CASP6: variants seen among roughly 807,000 people sequenced by gnomAD.
The protein encoded by CASP6 is caspase 6.
CASP6 carries 20 observed loss-of-function variants against 31.8 expected under a neutral mutation model. The observed-to-expected ratio is 0.63, with a 90% CI of 0.44 to 0.91. CASP6 has a LOEUF of 0.91. CASP6 is among the 40% of genes least tolerant of loss of function. The pLI is 0.00. For synonymous variants in CASP6, 130 were observed against 127.8 expected, an observed-to-expected ratio of 1.02 and a Z score of -0.12; for missense variants, 328 against 361.1, an observed-to-expected ratio of 0.91 and a Z score of 0.74.
the CASP6 span, among the ~76,000 whole-genome samples, chr4:109,675,657 C>G: frequency 3.9e-5 from 6 of 152,160 alleles, no homozygotes; most frequent in Admixed American, 1.3e-4. Context: ...AAACTTGATC[C>G]CCAGTGTTGT....
At chr4:109,682,883 C>T in the CASP6 span, 1 of 595,002 alleles carries the variant, frequency 1.7e-6, no homozygotes, top group Non-Finnish European at 2.9e-6. Context: ...AAGTTCAGTG[C>T]TTTTATCTTC....
chr4:109,691,679 A>G (rs1292903517), intron 5 of CASP6, among the ~76,000 whole-genome samples: 1 of 152,218 alleles, frequency 6.6e-6, no homozygotes, highest in Non-Finnish European at 1.5e-5. Flanking sequence ...CCAAAAATTC[A>G]TATGTTGAAG....
At chr4:109,679,329 T>C in the CASP6 span, among the ~76,000 whole-genome samples, 1 of 152,106 alleles carries the variant, frequency 6.6e-6, no homozygotes, top group African/African-American at 2.4e-5. Context: ...TGAGCCGAGA[T>C]CACGCCACTG....
Position 109,690,860 on chromosome 4 carries a change from A to G in CASP6, c.633T>C (p.Ser211=), listed in dbSNP as rs778655480. The change falls in exon 6 of 7, where the codon TCT becomes TCC. Residue 211 remains serine, a synonymous_variant. Transcript: ENST00000265164. ...PAGADFLMCY[S]VAEGYYSHRE... ...TTAAACACCACACACCTTCTGCAAC[A>G]GAGTAACACATGAGGAAGTCAGCTC... 1 of 1,608,338 alleles carries G rather than the reference A, an allele frequency of 6.2e-7. No homozygotes were observed. Among genetic ancestry groups the G allele is most frequent in the Non-Finnish European group, 8.5e-7 (1 of 1,177,644 alleles).
At chr4:109,698,919 TC>T (rs755271426) in intron 1 of CASP6, among the ~76,000 whole-genome samples, 2 of 152,178 alleles carry the variant, frequency 1.3e-5, no homozygotes, top group African/African-American at 2.4e-5. Context: ...GACTCCCTAC[TC>T]CCTGGACAGC....
upstream of CASP6, among the ~76,000 whole-genome samples, chr4:109,705,997 AAAAAATATAT>A (rs1311656790): frequency 2.5e-4 from 12 of 47,432 alleles, no homozygotes; most frequent in East Asian, 7.2e-3. Flanking sequence ...AAAAAAAAAA[AAAAAATATAT>A]ATATATATAT....
rs1169873086 is a variant in CASP6, at chr4:109,695,398, G to C, written c.308-698C>G. On this transcript the variant is annotated intron_variant, in intron 4 of 6. Transcript: ENST00000265164. Reference sequence around the variant, plus strand: ...GAATCAGCAGAGACCTTAGAGCAGAGTGGAAAGACCCAGAAACTGCTGCTC... The same window carrying C: ...GAATCAGCAGAGACCTTAGAGCAGACTGGAAAGACCCAGAAACTGCTGCTC... 2.6e-5 allele frequency among the ~76,000 whole-genome samples: 4 copies of C among 152,288 alleles called. No individual in the cohort carries two copies. The South Asian group carries it at 6.2e-4, about 24-fold the overall frequency.
chr4:109,699,332 G>T (rs1400812812), intron 1 of CASP6, among the ~76,000 whole-genome samples: 3 of 152,066 alleles, frequency 2.0e-5, no homozygotes, highest in African/African-American at 7.2e-5. Flanking sequence ...TAGCCAAAAG[G>T]GTTGGTTCCC....
chr4:109,709,388 T>C, the CASP6 span, among the ~76,000 whole-genome samples: 1 of 152,188 alleles, frequency 6.6e-6, no homozygotes. Flanking sequence ...AAGAAAAATA[T>C]TCCCACAGCA....
the CASP6 span, chr4:109,673,806 G>GT: frequency 7.1e-5 from 47 of 662,752 alleles, no homozygotes; most frequent in South Asian, 7.7e-4. Context: ...CGGGTGAGAG[G>GT]TTTTTTCGCT....
the CASP6 span, among the ~76,000 whole-genome samples, chr4:109,679,312 G>A: frequency 6.6e-6 from 1 of 152,218 alleles, no homozygotes; most frequent in East Asian, 1.9e-4. Flanking sequence ...GGAGGTGGAG[G>A]TTGTAGTGAG....
downstream of CASP6, chr4:109,687,365 A>T (rs1428110624): frequency 5.5e-6 from 3 of 549,100 alleles, no homozygotes; most frequent in Admixed American, 3.6e-5. Flanking sequence ...TCTCAAGAAA[A>T]ATATATATAT....
At chr4:109,679,070 G>T in the CASP6 span, among the ~76,000 whole-genome samples, 1 of 145,396 alleles carries the variant, frequency 6.9e-6, no homozygotes, top group Non-Finnish European at 1.5e-5. Context: ...AGGCAGAGGC[G>T]CTCCTCACTT....
intron 5 of CASP6, 87 bp from the exon 6 acceptor site, chr4:109,691,096 C>T (rs1252980397): frequency 1.0e-5 from 14 of 1,367,674 alleles, no homozygotes; most frequent in Non-Finnish European, 1.4e-5. Flanking sequence ...TAAGCCAGTA[C>T]CCCTTCATTA....
At chr4:109,664,460 T>G in the CASP6 span, 1 of 663,046 alleles carries the variant, frequency 1.5e-6, no homozygotes, top group African/African-American at 1.8e-5. Flanking sequence ...TCACTTGCTC[T>G]GTTTCCCAGG....
chr4:109,682,805 C>T, the CASP6 span: 4 of 1,254,416 alleles, frequency 3.2e-6, no homozygotes, highest in Non-Finnish European at 4.4e-6. Flanking sequence ...GAGTGCTCCT[C>T]ATGTGAGCAT....
the CASP6 span, among the ~76,000 whole-genome samples, chr4:109,671,201 G>C: frequency 6.6e-6 from 1 of 152,164 alleles, no homozygotes; most frequent in African/African-American, 2.4e-5. Context: ...CAGGAAACTG[G>C]AAGTCTTAAC....
Position 109,689,415 on chromosome 4 carries a change from T to C in CASP6, c.797A>G (p.Asp266Gly), listed in dbSNP as rs1399420496. The change falls in exon 7 of 7, where the codon GAC (aspartate) becomes GGC (glycine). Residue 266 changes from aspartate to glycine, a missense_variant. Asp to Gly is a moderately conservative substitution (Grantham distance 94). Coordinates refer to ENST00000265164, the MANE Select transcript of CASP6 (RefSeq NM_001226.4). ...CTGCTTCTTTCCAATTGCACTTGGG[T>C]CTTTGCAAAAGTCCACTCGGCGCTG... ...VSQRRVDFCK[D>G]PSAIGKKQVP... The C allele has an allele frequency of 6.2e-7, 1 of 1,614,232 alleles. No homozygotes were observed. The highest frequency in any genetic ancestry group is 1.7e-5 in the Admixed American group (1 of 60,030).
At chr4:109,684,194 CT>C (rs1200221675), downstream of CASP6, among the ~76,000 whole-genome samples, 2 of 151,700 alleles carry the variant, frequency 1.3e-5, no homozygotes, top group Non-Finnish European at 2.9e-5. Flanking sequence ...TCCTGAGTAT[CT>C]GGGACTACAG....
Sources: allele counts gnomAD v4.1 joint callset (sites outside exome capture counted in the v4.1 genomes callset), GRCh38; gene constraint gnomAD v4.1.1; transcripts MANE v1.5; gene names NCBI Gene and HGNC (gene_info 2026-07-23, HGNC 2026-07-21).